ERAP1: variants seen among roughly 807,000 people sequenced by gnomAD.
The protein encoded by ERAP1 is adipocyte-derived leucine aminopeptidase.
In ERAP1, 86 loss-of-function variants were observed where a neutral mutation model predicts 103.7. The observed-to-expected ratio is 0.83, with a 90% CI of 0.70 to 0.99. The LOEUF is 0.99. ERAP1 is among the 50% of genes least tolerant of loss of function. The probability of loss-of-function intolerance (pLI) is 0.00; values close to 1 mark genes in which losing one functional copy is unlikely to be tolerated. For missense variants in ERAP1, 1,009 were observed against 1,128.4 expected (o/e 0.89, Z 1.52); for synonymous variants, 398 against 402.4 (o/e 0.99, Z 0.13).
chr5:96,787,875 T>G (rs114637285), intron 11 of ERAP1, among the ~76,000 whole-genome samples: 2,251 of 147,940 alleles, frequency 0.015, 47 homozygotes, highest in African/African-American at 0.043. Context: ...CATATATATA[T>G]AGAGAGAGAG....
intron 1 of ERAP1, 138 bp downstream of exon 1, chr5:96,807,722 T>C: frequency 3.9e-6 from 2 of 510,222 alleles, no homozygotes; most frequent in Non-Finnish European, 5.1e-6. Flanking sequence ...GCGCCCCGTC[T>C]CCCTCCTCCC....
exon 20 of ERAP1, chr5:96,762,416 C>A (rs774239750): frequency 2.2e-6 from 3 of 1,394,874 alleles, no homozygotes; most frequent in South Asian, 1.4e-5. Flanking sequence ...TTTTGCGCAG[C>A]CACAACTAGA....
chr5:96,873,832 C>A, the ERAP1 span, among the ~76,000 whole-genome samples: 1 of 152,086 alleles, frequency 6.6e-6, no homozygotes, highest in African/African-American at 2.4e-5. Context: ...AGCTTATGTT[C>A]TAGTGAGGAG....
chr5:96,893,581 A>G, the ERAP1 span, among the ~76,000 whole-genome samples: 1 of 152,124 alleles, frequency 6.6e-6, no homozygotes, highest in Non-Finnish European at 1.5e-5. Flanking sequence ...GTTTGTAGGG[A>G]AGTGCTCTGT....
the ERAP1 span, among the ~76,000 whole-genome samples, chr5:96,830,404 A>C: frequency 6.6e-6 from 1 of 152,196 alleles, no homozygotes; most frequent in Non-Finnish European, 1.5e-5. Flanking sequence ...ACTTCAAAAA[A>C]CTGTAGCATG....
the ERAP1 span, among the ~76,000 whole-genome samples, chr5:96,815,740 T>G: frequency 1.3e-5 from 2 of 152,182 alleles, no homozygotes; most frequent in Non-Finnish European, 2.9e-5. Flanking sequence ...TTTACTGTTT[T>G]TGTAAGCAGT....
chr5:96,908,724 A>T, the ERAP1 span, among the ~76,000 whole-genome samples: 1 of 152,212 alleles, frequency 6.6e-6, no homozygotes, highest in African/African-American at 2.4e-5. Context: ...CAACAAGCCT[A>T]TGAGGAAGAT....
the ERAP1 span, among the ~76,000 whole-genome samples, chr5:96,928,883 A>G: frequency 2.0e-5 from 3 of 152,190 alleles, no homozygotes; most frequent in Non-Finnish European, 2.9e-5. Context: ...GTAAGATCTC[A>G]TGAGATGGGT....
the ERAP1 span, among the ~76,000 whole-genome samples, chr5:96,932,794 TA>T: frequency 6.6e-6 from 1 of 152,234 alleles, no homozygotes; most frequent in Non-Finnish European, 1.5e-5. Flanking sequence ...AGGGTGCTTA[TA>T]TTTTTTTCCT....
At chr5:96,853,850 T>TAAAAAA in the ERAP1 span, among the ~76,000 whole-genome samples, 1 of 143,726 alleles carries the variant, frequency 7.0e-6, no homozygotes. Flanking sequence ...TTAAAAGTTC[T>TAAAAAA]AAAAAAAAAA....
chr5:96,881,115 T>C, the ERAP1 span: 24 of 285,726 alleles, frequency 8.4e-5, no homozygotes, highest in Non-Finnish European at 1.4e-4. Context: ...GATCAGATCA[T>C]GTGGAGCCTT....
At chr5:96,915,714 G>A in the ERAP1 span, 34 of 1,593,394 alleles carry the variant, frequency 2.1e-5, 1 homozygote, top group East Asian at 4.4e-4. Flanking sequence ...TATGACATAA[G>A]GATGATCATC....
At chr5:96,919,017 T>C in the ERAP1 span, 2 of 152,162 alleles carry the variant, frequency 1.3e-5, no homozygotes, top group African/African-American at 4.8e-5. Flanking sequence ...TAAACTTAAT[T>C]TGTGATCCTA....
At chr5:96,825,635 A>G in the ERAP1 span, among the ~76,000 whole-genome samples, 2 of 152,360 alleles carry the variant, frequency 1.3e-5, no homozygotes, top group African/African-American at 4.8e-5. Flanking sequence ...AAAAATGAAT[A>G]CAGAGATCTT....
the ERAP1 span, chr5:96,903,277 C>G: frequency 1.1e-6 from 1 of 921,798 alleles, no homozygotes; most frequent in Non-Finnish European, 1.6e-6. Context: ...CTTCATCTTC[C>G]CATTGATTTA....
the ERAP1 span, among the ~76,000 whole-genome samples, chr5:96,843,091 A>C: frequency 2.0e-5 from 3 of 152,222 alleles, no homozygotes; most frequent in Non-Finnish European, 4.4e-5. Flanking sequence ...AATTGGACAA[A>C]ACACACAAAC....
the ERAP1 span, among the ~76,000 whole-genome samples, chr5:96,861,986 T>C: frequency 2.6e-5 from 4 of 151,826 alleles, no homozygotes; most frequent in East Asian, 5.8e-4. Flanking sequence ...TGATTCTTTT[T>C]GAAAAAAAAA....
chr5:96,863,658 C>T, the ERAP1 span, among the ~76,000 whole-genome samples: 2 of 152,220 alleles, frequency 1.3e-5, no homozygotes, highest in East Asian at 3.9e-4. Flanking sequence ...CACGACTTTG[C>T]TGCCTTTTTA....
the ERAP1 span, among the ~76,000 whole-genome samples, chr5:96,842,141 T>C: frequency 1.3e-5 from 2 of 152,220 alleles, no homozygotes; most frequent in African/African-American, 2.4e-5. Flanking sequence ...GGCCGAGTAG[T>C]ATTCCATGGT....
Sources: allele counts gnomAD v4.1 joint callset (sites outside exome capture counted in the v4.1 genomes callset), GRCh38; gene constraint gnomAD v4.1.1; transcripts MANE v1.5; gene names NCBI Gene and HGNC (gene_info 2026-07-23, HGNC 2026-07-21).